HOGA1: variants seen among roughly 807,000 people sequenced by gnomAD.
The protein encoded by HOGA1 is 4-hydroxy-2-oxoglutarate aldolase 1.
In HOGA1, 30 loss-of-function variants were observed where a neutral mutation model predicts 34.3. The observed-to-expected ratio is 0.87, with a 90% CI of 0.65 to 1.19. The LOEUF is 1.19. Among genes scored for constraint, HOGA1 ranks in the 50% most tolerant of loss-of-function variants. The pLI is 0.00. For synonymous variants in HOGA1, 161 were observed against 174.0 expected, an observed-to-expected ratio of 0.93 and a Z score of 0.59; for missense variants, 417 against 436.5, an observed-to-expected ratio of 0.96 and a Z score of 0.40.
intron 6 of HOGA1, among the ~76,000 whole-genome samples, chr10:97,604,906 G>A (rs1036999204): frequency 3.3e-5 from 5 of 152,132 alleles, no homozygotes; most frequent in African/African-American, 9.7e-5. Flanking sequence ...GCTTGAATGC[G>A]GCAGGTGGAG....
chr10:97,595,237 CAAT>C (rs1048777629), intron 1 of HOGA1, among the ~76,000 whole-genome samples: 63 of 152,276 alleles, frequency 4.1e-4, no homozygotes, highest in African/African-American at 1.4e-3. Context: ...AGTAGGTGTA[CAAT>C]GAGAGGTCAT....
chr10:97,589,080 C>A (rs539089469), intron 1 of HOGA1, among the ~76,000 whole-genome samples: 1 of 152,084 alleles, frequency 6.6e-6, no homozygotes, highest in Non-Finnish European at 1.5e-5. Context: ...GCTACCATCC[C>A]GGAGTGGCCC....
At chr10:97,602,349 G>A in intron 6 of HOGA1, 5 of 1,217,560 alleles carry the variant, frequency 4.1e-6, no homozygotes, top group Non-Finnish European at 5.2e-6. Context: ...TAAACCAGGG[G>A]CCTCTAAATC....
Position 97,601,888 on chromosome 10 carries a change from T to C in HOGA1, c.732T>C (p.Asn244=), listed in dbSNP as rs565040733. 1.9e-6 allele frequency: 3 copies of C among 1,612,590 alleles called. No individual in the cohort carries two copies. The highest frequency in any genetic ancestry group is 2.2e-5 in the East Asian group (1 of 44,870). ...GAVGGVCALA[N]VLGAQVCQLE... is the part of the protein sequence containing the mutation. ...TGGGGGGCGTCTGCGCCCTGGCCAA[T>C]GTCCTGGGGGCTCAGGTGTGCCAGC... Residue 244 remains asparagine (N), a synonymous_variant, in exon 6 of 7, where the codon AAT becomes AAC. Transcript: ENST00000370646.
intron 1 of HOGA1, among the ~76,000 whole-genome samples, chr10:97,591,475 C>G (rs1476623164): frequency 6.6e-6 from 1 of 152,070 alleles, no homozygotes; most frequent in Non-Finnish European, 1.5e-5. Flanking sequence ...GCAGGATGTT[C>G]AGGTTTGTTA....
In HOGA1 at chr10:97,584,913, AG is replaced by A; in HGVS notation, c.211+1del. 6.2e-7 allele frequency: 1 copy of A among 1,613,676 alleles called. No individual in the cohort carries two copies. The highest frequency in any genetic ancestry group is 8.5e-7 in the Non-Finnish European group (1 of 1,179,782). ...LHKLGTFPFR[G>X]FVVQGSNGEF... ...ACAAACTGGGCACCTTCCCCTTCCG[AG>A]GTAAGTGGGGCTGTCCTCTGTGGGA... On this transcript the variant is annotated frameshift_variant and splice_region_variant, in exon 1 of 7. Coordinates refer to ENST00000370646, the MANE Select transcript of HOGA1 (RefSeq NM_138413.4). LOFTEE classifies it high-confidence loss of function.
intron 1 of HOGA1, 41 bp from the exon 2 acceptor site, chr10:97,598,734 G>A (rs2041089970): frequency 6.2e-7 from 1 of 1,613,706 alleles, no homozygotes; most frequent in African/African-American, 1.3e-5. Context: ...TAGTTGTTCG[G>A]TAGAGGATGG....
chr10:97,609,917 G>A (rs1418955576), intron 6 of HOGA1, among the ~76,000 whole-genome samples: 6 of 152,174 alleles, frequency 3.9e-5, no homozygotes, highest in Admixed American at 1.3e-4. Flanking sequence ...TAAAGCCTCC[G>A]GGACTCTAGT....
chr10:97,588,499 C>T (rs777767850), intron 1 of HOGA1, among the ~76,000 whole-genome samples: 5 of 152,204 alleles, frequency 3.3e-5, no homozygotes, highest in Admixed American at 1.3e-4. Context: ...TGAGCCACAG[C>T]GCCCAGCCAA....
rs551831457 is a variant in HOGA1, at chr10:97,599,941, C to T, written c.604-126C>T. ...TTCTGTGTGGATTCTCTCTGTCGTGCGGGCTCTCTGGGACTTTCTTGAGGG... is the reference window on the plus strand; with the variant it reads ...TTCTGTGTGGATTCTCTCTGTCGTGTGGGCTCTCTGGGACTTTCTTGAGGG... On this transcript the variant is annotated intron_variant, in intron 4 of 6. Transcript: ENST00000370646. 2.0e-4 allele frequency: 302 copies of T among 1,519,884 alleles called. 2 individuals are homozygous for T. The South Asian group carries it at 3.1e-3, about 15-fold the overall frequency. The allele number at this position is 1,519,884 out of a possible 1,614,324, so 94.1% of individuals were successfully genotyped here.
Position 97,612,682 on chromosome 10 carries a change from C to G in HOGA1, c.*1023C>G, listed in dbSNP as rs2041207209. On this transcript the variant is annotated 3_prime_UTR_variant, in exon 7 of 7. Transcript: ENST00000370646. ...ATTCTAGAAGACTATTCTGGTCAGC[C>G]TAGGTCTGAAACACTAAGGAGACTT... The G allele has an allele frequency of 3.3e-5, 5 of 152,194 alleles. No homozygotes were observed. The highest frequency in any genetic ancestry group is 7.3e-5 in the Non-Finnish European group (5 of 68,032). The allele number at this position is 152,194 out of a possible 1,614,324, so 9.4% of individuals were successfully genotyped here. A position where few individuals can be genotyped will look rare whatever the true frequency, so the allele number is the denominator to read the frequency against.
chr10:97,595,725 G>T (rs1397398630), intron 1 of HOGA1, among the ~76,000 whole-genome samples: 4 of 152,114 alleles, frequency 2.6e-5, no homozygotes. Context: ...TCTGAGAAAG[G>T]CACTAATATC....
At chr10:97,598,997 C>A in intron 2 of HOGA1, 92 bp from the exon 3 acceptor site, 1 of 1,607,894 alleles carries the variant, frequency 6.2e-7, no homozygotes, top group Non-Finnish European at 8.5e-7. Context: ...TGTTCTGCCT[C>A]TTCTGGGACA....
rs2135711242 is a variant in HOGA1, at chr10:97,584,745, A to G, written c.42A>G (p.Leu14=). 6.2e-7 allele frequency: 1 copy of G among 1,612,862 alleles called. No homozygotes were observed. ...PQVWSSVRQG[L]SRSLSRNVGV... ...TCTGGTCTTCTGTGAGGCAGGGGCT[A>G]AGCAGGAGCTTGTCCAGGAATGTGG... The change falls in exon 1 of 7, where the codon CTA becomes CTG. Residue 14 remains leucine (L), a synonymous_variant. Coordinates refer to ENST00000370646, the MANE Select transcript of HOGA1 (RefSeq NM_138413.4).
chr10:97,609,114 C>A (rs2041178424), intron 6 of HOGA1, among the ~76,000 whole-genome samples: 1 of 152,160 alleles, frequency 6.6e-6, no homozygotes. Flanking sequence ...GTTATAAGAA[C>A]TTGCAGAAAC....
chr10:97,585,350 G>C (rs2040960853), intron 1 of HOGA1, among the ~76,000 whole-genome samples: 1 of 152,160 alleles, frequency 6.6e-6, no homozygotes, highest in Admixed American at 6.5e-5. Context: ...CTCCTTGCCA[G>C]AATTAGTTCT....
intron 2 of HOGA1, 41 bp downstream of exon 2, chr10:97,598,944 G>T (rs1033908999): frequency 4.3e-6 from 7 of 1,611,666 alleles, no homozygotes; most frequent in African/African-American, 2.7e-5. Context: ...GGGTGGATGT[G>T]CAGGATCCAG....
intron 1 of HOGA1, chr10:97,590,541 G>A: frequency 1.2e-6 from 2 of 1,612,112 alleles, no homozygotes; most frequent in Non-Finnish European, 1.7e-6. Flanking sequence ...AGCCACCAGA[G>A]CCACAGCCTG....
intron 1 of HOGA1, among the ~76,000 whole-genome samples, chr10:97,591,229 G>A (rs1468632151): frequency 6.6e-6 from 1 of 152,000 alleles, no homozygotes; most frequent in Non-Finnish European, 1.5e-5. Flanking sequence ...TAAGCCAGGT[G>A]GGAATGAGGG....
Sources: gnomAD v4.1 joint callset for allele counts (sites outside exome capture counted in the v4.1 genomes callset) on GRCh38, gnomAD v4.1.1 for gene constraint, MANE v1.5 for transcripts, NCBI Gene and HGNC (gene_info 2026-07-23, HGNC 2026-07-21) for gene names.